The following FUT8 variants were observed in gnomAD, a reference collection of about 807,000 sequenced individuals.
FUT8 encodes fucosyltransferase 8, also known as alpha-(1,6)-fucosyltransferase.
A neutral mutation model predicts 71.3 loss-of-function variants in FUT8; 29 were observed. That is an observed-to-expected ratio of 0.41 (90% CI 0.30 to 0.55). FUT8 has a LOEUF of 0.55. Ranked by LOEUF, FUT8 falls within the 20% of genes least tolerant of loss-of-function variation. The pLI is 0.34. For synonymous variants in FUT8, 254 were observed against 239.3 expected (o/e 1.06, Z -0.57); for missense variants, 544 against 702.1 (o/e 0.77, Z 2.55).
intron 3 of FUT8, among the ~76,000 whole-genome samples, chr14:65,602,341 T>A (rs12883106): frequency 0.016 from 782 of 50,010 alleles, 66 homozygotes; most frequent in Non-Finnish European, 0.02. Flanking sequence ...GCGTTCCATC[T>A]CTCACACACA....
Position 65,721,889 on chromosome 14 carries a change from T to C in FUT8, c.950T>C (p.Val317Ala), listed in dbSNP as rs1371512692. The stretch of plus-strand genomic sequence containing the variant: ...CCAGAAGACCTCGCAGATCGACTTG[T>C]ACGAGTGCATGGTGACCCTGCAGTG... ...AVPEDLADRLVRVHGDPAVWW... is the reference protein window; with the variant it reads ...AVPEDLADRLARVHGDPAVWW... The change falls in exon 8 of 11, where the codon GTA (valine) becomes GCA (alanine). Residue 317 changes from valine (V) to alanine (A), a missense_variant. Transcript: ENST00000673929. The C allele has an allele frequency of 6.2e-6, 10 of 1,614,102 alleles. No homozygotes were observed. The highest frequency in any genetic ancestry group is 7.6e-6 in the Non-Finnish European group (9 of 1,180,032).
At chr14:65,548,243 T>C (rs1468845761) in intron 2 of FUT8, among the ~76,000 whole-genome samples, 3 of 152,124 alleles carry the variant, frequency 2.0e-5, no homozygotes, top group African/African-American at 2.4e-5. Context: ...ATCCCCTCCT[T>C]GTACTTTCAA....
At chr14:65,631,648 T>C (rs1265608412) in intron 6 of FUT8, among the ~76,000 whole-genome samples, 3 of 152,322 alleles carry the variant, frequency 2.0e-5, no homozygotes, top group Admixed American at 2.0e-4. Flanking sequence ...GTGATTTTTT[T>C]TTTTAATTTT....
intron 7 of FUT8, among the ~76,000 whole-genome samples, chr14:65,711,203 T>G (rs899654002): frequency 2.6e-5 from 4 of 151,740 alleles, no homozygotes; most frequent in African/African-American, 9.8e-5. Context: ...AATAAATGAA[T>G]GAATAAAGAA....
chr14:65,526,073 T>C (rs1045341855), intron 2 of FUT8, among the ~76,000 whole-genome samples: 1 of 152,190 alleles, frequency 6.6e-6, no homozygotes, highest in African/African-American at 2.4e-5. Context: ...AGATGTCTAT[T>C]AGGTCTGCTT....
intron 2 of FUT8, among the ~76,000 whole-genome samples, chr14:65,498,234 AT>A (rs928428249): frequency 1.3e-5 from 2 of 151,790 alleles, no homozygotes; most frequent in Non-Finnish European, 1.5e-5. Context: ...ACATGACCTT[AT>A]TTTTTTTAGA....
chr14:65,362,933 G>A, the FUT8 span, among the ~76,000 whole-genome samples: 1 of 125,336 alleles, frequency 8.0e-6, no homozygotes, highest in Non-Finnish European at 1.6e-5. Context: ...CTGTACACCA[G>A]CCTGGGCAAC....
chr14:65,727,850 G>A (rs1201736157), intron 9 of FUT8, among the ~76,000 whole-genome samples: 2 of 152,156 alleles, frequency 1.3e-5, no homozygotes, highest in Non-Finnish European at 2.9e-5. Flanking sequence ...CAGCAACCAA[G>A]TCACCTCTTG....
chr14:65,419,111 G>A (rs1269648379), intron 1 of FUT8, among the ~76,000 whole-genome samples: 15 of 151,788 alleles, frequency 9.9e-5, no homozygotes, highest in African/African-American at 3.4e-4. Flanking sequence ...GCCTGTAATC[G>A]TAGCTACTTG....
chr14:65,683,215 A>T (rs1222552531), intron 7 of FUT8, among the ~76,000 whole-genome samples: 6 of 151,994 alleles, frequency 3.9e-5, no homozygotes, highest in African/African-American at 1.2e-4. Context: ...GGGTTTCACT[A>T]TGTTGGCCAG....
chr14:65,633,184 G>A (rs1157854481), intron 6 of FUT8, among the ~76,000 whole-genome samples: 21 of 149,582 alleles, frequency 1.4e-4, no homozygotes, highest in African/African-American at 2.2e-4. Context: ...ACGCCTGACT[G>A]GTTTTCGTAT....
chr14:65,414,245 A>G (rs143833134), intron 1 of FUT8, among the ~76,000 whole-genome samples: 95 of 152,266 alleles, frequency 6.2e-4, no homozygotes, highest in Admixed American at 1.4e-3. Context: ...GCTTGCCTCT[A>G]TGAAAACTGT....
At chr14:65,381,671 A>G in the FUT8 span, among the ~76,000 whole-genome samples, 1 of 152,154 alleles carries the variant, frequency 6.6e-6, no homozygotes, top group African/African-American at 2.4e-5. Context: ...CTTAAAGCTT[A>G]TCTTTTTGGT....
intron 6 of FUT8, among the ~76,000 whole-genome samples, chr14:65,632,188 T>C (rs1204564625): frequency 1.3e-5 from 2 of 152,248 alleles, no homozygotes; most frequent in African/African-American, 4.8e-5. Context: ...GCTATAAACA[T>C]GCATGTGCAA....
Position 65,716,857 on chromosome 14 carries a change from C to T in FUT8, c.836-4918C>T, listed in dbSNP as rs565364782. ...CTCCTCACTTCCCAGACGGGGCGGC[C>T]GGGCAGAGGCGCTCCTCACCTCCCA... On this transcript the variant is annotated intron_variant, in intron 7 of 10. Coordinates refer to ENST00000673929, the MANE Select transcript of FUT8 (RefSeq NM_001371533.1). Among the ~76,000 whole-genome samples the T allele has an allele frequency of 1.3e-4, 19 of 142,024 alleles. No homozygotes were observed. The South Asian group carries it at 2.6e-3, about 20-fold the overall frequency. 93.2% of individuals were successfully genotyped at this position (142,024 alleles called of 152,430 possible). A position where few individuals can be genotyped will look rare whatever the true frequency, so the allele number is the denominator to read the frequency against.
chr14:65,740,440 T>A (rs1045167000), intron 10 of FUT8, among the ~76,000 whole-genome samples: 7 of 152,172 alleles, frequency 4.6e-5, no homozygotes, highest in Non-Finnish European at 7.4e-5. Flanking sequence ...TAGTCAGATT[T>A]TATTTGATAA....
At chr14:65,641,307 T>C (rs1890818657) in intron 6 of FUT8, among the ~76,000 whole-genome samples, 1 of 152,248 alleles carries the variant, frequency 6.6e-6, no homozygotes, top group Non-Finnish European at 1.5e-5. Flanking sequence ...TTACTCAGCG[T>C]AATTATTTTG....
At chr14:65,587,213 T>A (rs1272937941) in intron 3 of FUT8, among the ~76,000 whole-genome samples, 1 of 151,160 alleles carries the variant, frequency 6.6e-6, no homozygotes, top group Admixed American at 6.6e-5. Flanking sequence ...CAAAAAAAAC[T>A]AATTTTTACA....
intron 3 of FUT8, among the ~76,000 whole-genome samples, chr14:65,579,544 C>A (rs1317801841): frequency 1.3e-5 from 2 of 152,034 alleles, no homozygotes; most frequent in African/African-American, 4.8e-5. Context: ...CACAAGTTTG[C>A]TAGATTAGGT....
Sources: gnomAD v4.1 joint callset for allele counts (sites outside exome capture counted in the v4.1 genomes callset) on GRCh38, gnomAD v4.1.1 for gene constraint, MANE v1.5 for transcripts, NCBI Gene and HGNC (gene_info 2026-07-23, HGNC 2026-07-21) for gene names.